The following MEF2C variants were observed in gnomAD, a reference collection of about 807,000 sequenced individuals.
MEF2C encodes myocyte enhancer factor 2C, also known as myocyte-specific enhancer factor 2C.
MEF2C carries 6 observed loss-of-function variants against 50.5 expected under a neutral mutation model. The ratio of observed to expected loss-of-function variants is 0.12; its 90% CI spans 0.07 to 0.23. The LOEUF (loss-of-function observed/expected upper bound fraction) is 0.23, where lower values mean the gene tolerates loss of function less well. MEF2C is among the 10% of genes least tolerant of loss of function. MEF2C has a pLI of 1.00. For synonymous variants in MEF2C, 183 were observed against 228.0 expected, an observed-to-expected ratio of 0.80 and a Z score of 1.78; for missense variants, 276 against 605.0, an observed-to-expected ratio of 0.46 and a Z score of 5.70.
intron 1 of MEF2C, among the ~76,000 whole-genome samples, chr5:88,837,793 T>A (rs1404627619): frequency 6.6e-6 from 1 of 152,222 alleles, no homozygotes; most frequent in Admixed American, 6.5e-5. Flanking sequence ...TCAAGCAATA[T>A]AAACAGTTAA....
rs115242337 is a variant in MEF2C at position 88,861,484 on chromosome 5, G to A, written c.-143+21471C>T. On this transcript the variant is annotated intron_variant, in intron 1 of 10. Transcript: ENST00000504921. ...ATGTGGTATGTTCTTGAAATTTACC[G>A]GTCTATCCAGTTCTGAGCTAATTCA... Among the ~76,000 whole-genome samples the A allele has an allele frequency of 6.8e-3, 1,042 of 152,224 alleles. 15 individuals carry two copies. The highest frequency in any genetic ancestry group is 0.023 in the African/African-American group (960 of 41,532).
chr5:88,861,883 T>A (rs1194934299), intron 1 of MEF2C, among the ~76,000 whole-genome samples: 1 of 152,144 alleles, frequency 6.6e-6, no homozygotes, highest in Non-Finnish European at 1.5e-5. Flanking sequence ...ATGTATTATC[T>A]ATTTGAGATC....
At chr5:88,798,359 C>T (rs1796885126) in intron 3 of MEF2C, among the ~76,000 whole-genome samples, 1 of 151,922 alleles carries the variant, frequency 6.6e-6, no homozygotes, top group South Asian at 2.1e-4. Flanking sequence ...TTTCTCTAAT[C>T]TTGTCTTCAT....
chr5:88,823,688 AAATAT>A (rs1313314838), intron 2 of MEF2C, 42 bp downstream of exon 2: 22 of 1,505,386 alleles, frequency 1.5e-5, no homozygotes, highest in Admixed American at 1.8e-5. Context: ...TATGTGGAGA[AAATAT>A]AATTAATAAA....
At position 88,751,979 on chromosome 5, in the gene MEF2C, A is replaced by C. The variant is rs770331071; in HGVS notation, c.467T>G (p.Val156Gly). 6.2e-7 allele frequency: 1 copy of C among 1,613,990 alleles called. No homozygotes were observed. The highest frequency in any genetic ancestry group is 1.1e-5 in the South Asian group (1 of 91,084). Residue 156 changes from valine to glycine, a missense_variant, in exon 5 of 11, where the codon GTG (valine) becomes GGG (glycine). By Grantham distance (109) the Val-to-Gly change is moderately radical. Transcript: ENST00000504921. ...SIPVSSHNSL[V>G]YSNPVSSLGN... ...CAGTGAGCTGACAGGGTTGCTGTACACCAAACTGTTGTGGCTGGACACTGG... is the reference window on the plus strand; with the variant it reads ...CAGTGAGCTGACAGGGTTGCTGTACCCCAAACTGTTGTGGCTGGACACTGG...
At chr5:88,896,099 C>G (rs1835088534) in intron 1 of MEF2C, among the ~76,000 whole-genome samples, 1 of 152,154 alleles carries the variant, frequency 6.6e-6, no homozygotes, top group African/African-American at 2.4e-5. Context: ...AAATGGGAAA[C>G]CTGGCCCTTA....
intron 1 of MEF2C, among the ~76,000 whole-genome samples, chr5:88,897,993 C>T (rs1297158010): frequency 6.6e-6 from 1 of 152,066 alleles, no homozygotes; most frequent in African/African-American, 2.4e-5. Context: ...ATAACAGGCT[C>T]CTCAGGTGGT....
intron 3 of MEF2C, chr5:88,775,998 C>T (rs1022983170): frequency 1.2e-5 from 2 of 165,412 alleles, no homozygotes; most frequent in Non-Finnish European, 2.5e-5. Flanking sequence ...TTACTATGAA[C>T]CCTTTTTGTT....
intron 3 of MEF2C, among the ~76,000 whole-genome samples, chr5:88,794,291 C>T (rs906560791): frequency 2.0e-5 from 3 of 152,188 alleles, no homozygotes; most frequent in African/African-American, 7.2e-5. Context: ...TTTCTCCACA[C>T]CCTTTCCAGC....
intron 3 of MEF2C, among the ~76,000 whole-genome samples, chr5:88,776,610 T>C (rs1429238912): frequency 2.0e-5 from 3 of 150,814 alleles, no homozygotes; most frequent in Non-Finnish European, 4.4e-5. Flanking sequence ...AGGTTATAAA[T>C]AGATAGAAAA....
chr5:88,831,717 T>G (rs888090946), intron 1 of MEF2C, among the ~76,000 whole-genome samples: 2 of 152,082 alleles, frequency 1.3e-5, no homozygotes, highest in African/African-American at 4.8e-5. Flanking sequence ...ATATATATGA[T>G]ATTGCTATTA....
chr5:88,722,136 C>CG lies in MEF2C; in HGVS notation c.*467_*468insC. 4 of 156,728 alleles carry CG rather than the reference C, an allele frequency of 2.6e-5. No individual in the cohort carries two copies. The highest frequency in any genetic ancestry group is 1.9e-4 in the South Asian group (1 of 5,172). The allele number at this position is 156,728 out of a possible 1,614,324, so 9.7% of individuals were successfully genotyped here. A position where few individuals can be genotyped will look rare whatever the true frequency, so the allele number is the denominator to read the frequency against. On this transcript the variant is annotated 3_prime_UTR_variant, in exon 11 of 11. Coordinates refer to ENST00000504921, the MANE Select transcript of MEF2C (RefSeq NM_002397.5). ...GGATGTCAGGTGACCTGGTGTGTTC[C>CG]TAACATTTACCAATGGCCACCCATT...
At chr5:88,744,104 G>A (rs1015724219) in intron 6 of MEF2C, 10 of 984,600 alleles carry the variant, frequency 1.0e-5, no homozygotes, top group South Asian at 4.7e-5. Context: ...AAAGGCAATC[G>A]TATTATCAAA....
chr5:88,758,475 A>G (rs681446), intron 4 of MEF2C, among the ~76,000 whole-genome samples: 74,017 of 152,010 alleles, frequency 0.49, 19,362 homozygotes, highest in East Asian at 0.58. Context: ...ATTACAATAT[A>G]CTAACAGGTG....
chr5:88,807,264 C>T (rs913961528), intron 2 of MEF2C, among the ~76,000 whole-genome samples: 1 of 152,178 alleles, frequency 6.6e-6, no homozygotes, highest in Non-Finnish European at 1.5e-5. Flanking sequence ...CTCCCCGTCT[C>T]CTAGGCTGGA....
chr5:88,739,063 C>A (rs2152389083), intron 6 of MEF2C: 1 of 984,608 alleles, frequency 1.0e-6, no homozygotes, highest in African/African-American at 1.7e-5. Context: ...TGCTTACTTA[C>A]TTACTGTCAA....
chr5:88,782,156 G>T, intron 3 of MEF2C: 1 of 981,650 alleles, frequency 1.0e-6, no homozygotes, highest in Non-Finnish European at 1.2e-6. Context: ...TTACTGTAAA[G>T]AAGCTTATAT....
chr5:88,766,576 A>G (rs1041369368), intron 3 of MEF2C: 2 of 946,582 alleles, frequency 2.1e-6, no homozygotes, highest in Non-Finnish European at 2.5e-6. Context: ...CAACCACTCA[A>G]TTTCTTTACA....
At chr5:88,833,139 A>C (rs1278959057) in intron 1 of MEF2C, among the ~76,000 whole-genome samples, 1 of 152,166 alleles carries the variant, frequency 6.6e-6, no homozygotes, top group Non-Finnish European at 1.5e-5. Context: ...ATAATTAAAT[A>C]TATACCTGAT....
Sources: allele counts gnomAD v4.1 joint callset (sites outside exome capture counted in the v4.1 genomes callset), GRCh38; gene constraint gnomAD v4.1.1; transcripts MANE v1.5; gene names NCBI Gene and HGNC (gene_info 2026-07-23, HGNC 2026-07-21).